SLC20A2: variants seen among roughly 807,000 people sequenced by gnomAD.
The protein encoded by SLC20A2 is solute carrier family 20 member 2.
Under a neutral mutation model 61.0 loss-of-function variants are expected in SLC20A2, and 30 were observed. The observed-to-expected ratio is 0.49, with a 90% CI of 0.37 to 0.67. The LOEUF (loss-of-function observed/expected upper bound fraction) is 0.67, where lower values mean the gene tolerates loss of function less well. SLC20A2 is among the 30% of genes least tolerant of loss of function. The probability of loss-of-function intolerance (pLI) is 0.00; values close to 1 mark genes in which losing one functional copy is unlikely to be tolerated. For synonymous variants in SLC20A2, 351 were observed against 353.3 expected (o/e 0.99, Z 0.07); for missense variants, 626 against 866.4 (o/e 0.72, Z 3.48).
Position 42,437,380 on chromosome 8 carries a change from G to T in SLC20A2, c.1132C>A (p.Arg378=). 6 of 1,614,178 alleles carry T rather than the reference G, an allele frequency of 3.7e-6. No homozygotes were observed. Among genetic ancestry groups the T allele is most frequent in the Non-Finnish European group, 5.1e-6 (6 of 1,180,028 alleles). The change falls in exon 8 of 11, where the codon CGG becomes AGG. Residue 378 remains arginine, a synonymous_variant. Transcript: ENST00000520262. The surrounding 1 kb of genome is among the most constrained non-coding windows in gnomAD (Gnocchi z 6.4). ...EEKPAQESNY[R]LLRRNNSYTC... is the part of the protein sequence containing the mutation. ...TAACTGTTGTTTCGGCGCAGCAGCC[G>T]GTAGTTGCTTTCCTGGGCTGGCTTC...
intron 8 of SLC20A2, among the ~76,000 whole-genome samples, chr8:42,433,074 T>A (rs957311072): frequency 5.3e-5 from 8 of 152,248 alleles, no homozygotes; most frequent in Non-Finnish European, 8.8e-5. Flanking sequence ...GATTTTTTTT[T>A]AATTTTGGTA....
chr8:42,427,386 T>C (rs1258840295), intron 10 of SLC20A2, among the ~76,000 whole-genome samples: 1 of 152,168 alleles, frequency 6.6e-6, no homozygotes, highest in Non-Finnish European at 1.5e-5. Flanking sequence ...CCTGGATCTA[T>C]CACATGTGGC....
intron 8 of SLC20A2, among the ~76,000 whole-genome samples, chr8:42,432,493 CA>C (rs1205422672): frequency 6.6e-6 from 1 of 152,202 alleles, no homozygotes. Flanking sequence ...GAATATTCCA[CA>C]AACTCAGTTA....
chr8:42,535,604 ACTT>A (rs1369399466), intron 1 of SLC20A2, among the ~76,000 whole-genome samples: 3 of 152,182 alleles, frequency 2.0e-5, no homozygotes, highest in African/African-American at 4.8e-5. Flanking sequence ...GACTTGGTAA[ACTT>A]CTTCCAGCCA....
rs200863955 is a variant in SLC20A2 at position 42,437,596 on chromosome 8, G to C, written c.935-19C>G. 3.5e-5 allele frequency: 54 copies of C among 1,534,266 alleles called. No individual in the cohort carries two copies. Among genetic ancestry groups the C allele is most frequent in the Non-Finnish European group, 4.1e-5 (47 of 1,141,124 alleles). On this transcript the variant is annotated intron_variant, in intron 7 of 10. Coordinates refer to ENST00000520262, the MANE Select transcript of SLC20A2 (RefSeq NM_001257180.2). This position sits in a 1 kb window ranked among gnomAD's most constrained non-coding sequence, Gnocchi z 6.4. The stretch of plus-strand genomic sequence containing the variant: ...GCTCTTCCTGAAAAGGGTTAGAGAA[G>C]GTCTCATTTTCCAGTCTTTTTTTTT...
chr8:42,432,448 T>A (rs1803940533), intron 8 of SLC20A2, among the ~76,000 whole-genome samples: 1 of 152,214 alleles, frequency 6.6e-6, no homozygotes, highest in African/African-American at 2.4e-5. Flanking sequence ...GGTGAAGATG[T>A]TGTGAACATT....
chr8:42,486,872 TTTTA>T (rs1159628111), intron 1 of SLC20A2, among the ~76,000 whole-genome samples: 1 of 152,130 alleles, frequency 6.6e-6, no homozygotes, highest in Non-Finnish European at 1.5e-5. Context: ...TTATTTTTAT[TTTTA>T]TTTTTTTTGA....
chr8:42,468,323 C>A (rs1159111825), intron 2 of SLC20A2, among the ~76,000 whole-genome samples: 1 of 152,024 alleles, frequency 6.6e-6, no homozygotes, highest in Non-Finnish European at 1.5e-5. Flanking sequence ...GCTGACTTTA[C>A]AAAATACATC....
At chr8:42,470,973 CAA>C (rs200440771) in intron 2 of SLC20A2, 10,406 of 229,292 alleles carry the variant, frequency 0.045, no homozygotes, top group South Asian at 0.062. Flanking sequence ...GACTCTGTCT[CAA>C]AAAAAAAAAA....
chr8:42,452,403 G>T (rs553285280), intron 5 of SLC20A2, among the ~76,000 whole-genome samples: 2 of 148,562 alleles, frequency 1.3e-5, no homozygotes, highest in East Asian at 2.0e-4. Flanking sequence ...TGGAGGAGGA[G>T]GAGGAAGAGA....
At chr8:42,434,072 A>T (rs566524845) in intron 8 of SLC20A2, among the ~76,000 whole-genome samples, 9 of 151,754 alleles carry the variant, frequency 5.9e-5, no homozygotes, top group African/African-American at 2.2e-4. Flanking sequence ...TATTATTATT[A>T]TTTTTGAGAG....
intron 10 of SLC20A2, among the ~76,000 whole-genome samples, chr8:42,419,413 T>TA (rs920969048): frequency 7.3e-5 from 11 of 151,344 alleles, no homozygotes; most frequent in African/African-American, 2.2e-4. Context: ...CTACTAAAAA[T>TA]AAAAAAAATT....
chr8:42,452,762 G>A (rs1272807498), intron 5 of SLC20A2, among the ~76,000 whole-genome samples: 1 of 152,094 alleles, frequency 6.6e-6, no homozygotes, highest in African/African-American at 2.4e-5. Context: ...CAGAGGCAGG[G>A]GCAGGCATGT....
chr8:42,481,140 T>G (rs1808521740), intron 1 of SLC20A2, among the ~76,000 whole-genome samples: 1 of 152,232 alleles, frequency 6.6e-6, no homozygotes, highest in Admixed American at 6.5e-5. Flanking sequence ...TGTTTGAAGC[T>G]AATGCTTACA....
At chr8:42,487,167 G>A (rs1176725341) in intron 1 of SLC20A2, among the ~76,000 whole-genome samples, 1 of 119,436 alleles carries the variant, frequency 8.4e-6, no homozygotes, top group Non-Finnish European at 1.7e-5. Flanking sequence ...GCTTGGCCAT[G>A]GTTTCTTTCT....
intron 1 of SLC20A2, among the ~76,000 whole-genome samples, chr8:42,520,257 G>GGGCGTGGTAGCGGGCGCCTGTAGT (rs1811565229): frequency 6.7e-6 from 1 of 149,502 alleles, no homozygotes; most frequent in Non-Finnish European, 1.5e-5. Flanking sequence ...CAAGTGATCC[G>GGGCGTGGTAGCGGGCGCCTGTAGT]CCCGCCTCAG....
intron 5 of SLC20A2, among the ~76,000 whole-genome samples, chr8:42,457,172 C>G (rs1444800070): frequency 1.3e-5 from 2 of 152,058 alleles, no homozygotes; most frequent in Non-Finnish European, 2.9e-5. Context: ...AAGTGATCTG[C>G]CTTCCTCAGC....
intron 4 of SLC20A2, 178 bp from the exon 5 acceptor site, chr8:42,460,170 G>T (rs1806584898): frequency 1.9e-6 from 1 of 519,294 alleles, no homozygotes; most frequent in African/African-American, 1.9e-5. Context: ...AATGGCATTG[G>T]CTGGGGCCAT....
At chr8:42,506,210 G>A (rs1157033348), upstream of SLC20A2, among the ~76,000 whole-genome samples, 1 of 152,166 alleles carries the variant, frequency 6.6e-6, no homozygotes, top group Non-Finnish European at 1.5e-5. Flanking sequence ...GAAGTACTGG[G>A]ATAATAGGTG....
Sources: allele counts gnomAD v4.1 joint callset (sites outside exome capture counted in the v4.1 genomes callset), GRCh38; gene constraint gnomAD v4.1.1; non-coding constraint Gnocchi (gnomAD v3.1); transcripts MANE v1.5; gene names NCBI Gene and HGNC (gene_info 2026-07-23, HGNC 2026-07-21).